The following HSD17B4 variants were observed in gnomAD, a reference collection of about 807,000 sequenced individuals.
HSD17B4 encodes hydroxysteroid 17-beta dehydrogenase 4.
A neutral mutation model predicts 101.0 loss-of-function variants in HSD17B4; 70 were observed. The observed-to-expected ratio is 0.69, with a 90% confidence interval of 0.57 to 0.85. The LOEUF (loss-of-function observed/expected upper bound fraction) is 0.85. Among genes scored for constraint, HSD17B4 ranks in the 40% least tolerant of loss-of-function variants. The pLI is 0.00. For missense variants in HSD17B4, 984 were observed against 892.4 expected (o/e 1.10, Z -1.31); for synonymous variants, 347 against 297.1 (o/e 1.17, Z -1.73).
chr5:119,453,627 A>G (rs769985980), intron 1 of HSD17B4, among the ~76,000 whole-genome samples: 2 of 152,184 alleles, frequency 1.3e-5, no homozygotes, highest in Non-Finnish European at 2.9e-5. Context: ...AAACGTTACA[A>G]ACTGGAATTC....
chr5:119,459,235 C>G (rs1754971178), intron 2 of HSD17B4, among the ~76,000 whole-genome samples: 1 of 152,188 alleles, frequency 6.6e-6, no homozygotes, highest in Non-Finnish European at 1.5e-5. Flanking sequence ...TAAATCCTGG[C>G]TCTGCTGCCT....
intron 2 of HSD17B4, among the ~76,000 whole-genome samples, chr5:119,463,691 A>G (rs867701914): frequency 2.6e-5 from 3 of 116,776 alleles, no homozygotes; most frequent in Middle Eastern, 6.4e-3. Flanking sequence ...TTTTTAAGAA[A>G]GAGTGTTACT....
chr5:119,455,568 C>CTCTATATA lies in HSD17B4; in HGVS notation c.59-746_59-745insCTATATAT, dbSNP rs35030315. On this transcript the variant is annotated intron_variant, in intron 1 of 23. Transcript: ENST00000510025. Reference sequence around the variant, plus strand: ...TCTCTCTCTCTCTCTCTCTCTCTCTCTATATATATATATATAATTTCTTTT... The same window carrying CTCTATATA: ...TCTCTCTCTCTCTCTCTCTCTCTCTCTCTATATATATATATATATATATAATTTCTTTT... Among the ~76,000 whole-genome samples, 280 of 136,472 alleles carry CTCTATATA rather than the reference C, an allele frequency of 2.1e-3. 2 individuals carry two copies. Among genetic ancestry groups the CTCTATATA allele is most frequent in the East Asian group, 0.014 (64 of 4,434 alleles). 89.5% of individuals were successfully genotyped at this position (136,472 alleles called of 152,430 possible).
At chr5:119,535,670 T>TTATATATATATATATATATTTTA (rs138422180) in intron 22 of HSD17B4, 1 of 145,628 alleles carries the variant, frequency 6.9e-6, no homozygotes, top group Non-Finnish European at 1.5e-5. Context: ...AATATATATT[T>TTATATATATATATATATATTTTA]TATATATATA....
At chr5:119,458,082 A>G (rs949118952) in intron 2 of HSD17B4, among the ~76,000 whole-genome samples, 7 of 152,298 alleles carry the variant, frequency 4.6e-5, no homozygotes, top group East Asian at 3.8e-4. Flanking sequence ...GTGTCTATCT[A>G]TTTTGTCATT....
At chr5:119,482,802 TG>T (rs1413754036) in intron 8 of HSD17B4, among the ~76,000 whole-genome samples, 5 of 152,116 alleles carry the variant, frequency 3.3e-5, no homozygotes, top group Non-Finnish European at 1.5e-5. Context: ...GGTAAGGTAT[TG>T]GGGAGGGGAA....
At chr5:119,458,534 AG>A (rs1754903760) in intron 2 of HSD17B4, among the ~76,000 whole-genome samples, 1 of 150,036 alleles carries the variant, frequency 6.7e-6, no homozygotes. Flanking sequence ...TTTTAAGTAA[AG>A]ATGCGGTTTC....
In HSD17B4 at chr5:119,524,623, C is replaced by T. The variant is rs112918036; in HGVS notation, c.1504-593C>T. Among the ~76,000 whole-genome samples the T allele has an allele frequency of 3.0e-4, 46 of 152,222 alleles. 1 individual carries two copies. The highest frequency in any genetic ancestry group is 1.1e-3 in the African/African-American group (44 of 41,552). ...TTTTTCCCTATTGTTATCCAGGCCA[C>T]GCTGCTAATCCTACTTTATCTAAGT... is the stretch of plus-strand genomic sequence containing the variant. On this transcript the variant is annotated intron_variant, in intron 17 of 23. Coordinates refer to ENST00000510025, the MANE Select transcript of HSD17B4 (RefSeq NM_000414.4).
chr5:119,485,298 T>C (rs1293966301), intron 8 of HSD17B4, among the ~76,000 whole-genome samples: 2 of 152,158 alleles, frequency 1.3e-5, no homozygotes, highest in Admixed American at 1.3e-4. Context: ...TTTGGGAATA[T>C]GGTATCATTT....
rs2126751711 is a variant in HSD17B4, at chr5:119,492,113, G to A, written c.728G>A (p.Trp243Ter). The change falls in exon 10 of 24, where the codon TGG (tryptophan) becomes TAG (stop). Residue 243 changes from tryptophan to a stop codon, truncating the protein, a stop_gained. Transcript: ENST00000510025. LOFTEE classifies it high-confidence loss of function. The part of the protein sequence containing the change: ...NGGLFEVGAG[W>*]IGKLRWERTL... ...TCTTTTTGGTAGGTTGGAGCAGGATGGATTGGAAAATGTAAGTCTCTCTCA... is the reference window on the plus strand; with the variant it reads ...TCTTTTTGGTAGGTTGGAGCAGGATAGATTGGAAAATGTAAGTCTCTCTCA... 1 of 1,607,476 alleles carries A rather than the reference G, an allele frequency of 6.2e-7. No individual in the cohort carries two copies. Among genetic ancestry groups the A allele is most frequent in the South Asian group, 1.1e-5 (1 of 90,896 alleles).
At chr5:119,513,422 C>T (rs376215889) in intron 16 of HSD17B4, among the ~76,000 whole-genome samples, 11 of 152,126 alleles carry the variant, frequency 7.2e-5, no homozygotes, top group East Asian at 3.9e-4. Context: ...CTCACTGTAT[C>T]GCCCAGCCTG....
intron 8 of HSD17B4, chr5:119,487,369 C>T (rs1412248020): frequency 6.6e-6 from 1 of 150,986 alleles, no homozygotes; most frequent in East Asian, 1.9e-4. Flanking sequence ...GATATCCTGA[C>T]ATCTAGTATT....
At chr5:119,473,124 C>A (rs1459033357) in intron 2 of HSD17B4, among the ~76,000 whole-genome samples, 3 of 151,990 alleles carry the variant, frequency 2.0e-5, no homozygotes, top group Non-Finnish European at 4.4e-5. Context: ...AAGAGAATTT[C>A]AAGTCAGTTT....
chr5:119,473,885 G>A, intron 2 of HSD17B4, 23 bp from the exon 3 acceptor site: 1 of 1,311,914 alleles, frequency 7.6e-7, no homozygotes, highest in Non-Finnish European at 1.1e-6. Flanking sequence ...ATTAATTGTT[G>A]TTTGCTTGTT....
At position 119,480,614 on chromosome 5, in the gene HSD17B4, T is replaced by C. The variant is rs189237635; in HGVS notation, c.622+1593T>C. On this transcript the variant is annotated intron_variant, in intron 8 of 23. Coordinates refer to ENST00000510025, the MANE Select transcript of HSD17B4 (RefSeq NM_000414.4). ...AGGACTGAGGCGAAATTAAAATTGC[T>C]AATGAAGTTTTGGGCACCATTGTCA... 3.0e-3 allele frequency among the ~76,000 whole-genome samples: 460 copies of C among 152,334 alleles called. 3 individuals carry two copies. Among genetic ancestry groups the C allele is most frequent in the Admixed American group, 7.9e-3 (121 of 15,294 alleles).
chr5:119,497,211 G>T (rs1750728156), intron 12 of HSD17B4, among the ~76,000 whole-genome samples: 4 of 149,090 alleles, frequency 2.7e-5, no homozygotes, highest in Admixed American at 2.6e-4. Flanking sequence ...GGCTCCATTG[G>T]GGGGTGTGAT....
chr5:119,493,652 T>C, intron 10 of HSD17B4, 166 bp from the exon 11 acceptor site: 1 of 633,876 alleles, frequency 1.6e-6, no homozygotes, highest in Non-Finnish European at 2.7e-6. Context: ...TCCTAGTGGG[T>C]TTGTTGGGAA....
intron 9 of HSD17B4, 82 bp from the exon 10 acceptor site, chr5:119,492,018 G>A: frequency 9.7e-7 from 1 of 1,029,658 alleles, no homozygotes; most frequent in Non-Finnish European, 1.5e-6. Flanking sequence ...GCTAGTAGAG[G>A]AGCTGACTTT....
intron 2 of HSD17B4, among the ~76,000 whole-genome samples, chr5:119,460,094 C>G (rs1487255918): frequency 6.6e-6 from 1 of 151,682 alleles, no homozygotes; most frequent in Non-Finnish European, 1.5e-5. Context: ...CCAGGATGGT[C>G]TCGATCTCCT....
Sources: allele counts gnomAD v4.1 joint callset (sites outside exome capture counted in the v4.1 genomes callset), GRCh38; gene constraint gnomAD v4.1.1; transcripts MANE v1.5; gene names NCBI Gene and HGNC (gene_info 2026-07-23, HGNC 2026-07-21).